Variants in SKAP1 observed in about 807,000 individuals in gnomAD.
SKAP1 encodes the protein src kinase-associated phosphoprotein 1.
A neutral mutation model predicts 58.5 loss-of-function variants in SKAP1; 44 were observed. That is an observed-to-expected ratio of 0.75 (90% CI 0.59 to 0.97). The LOEUF is 0.97. SKAP1 is among the 50% of genes least tolerant of loss of function. SKAP1 has a pLI of 0.00. For missense variants in SKAP1, 390 were observed against 435.2 expected (o/e 0.90, Z 0.92); for synonymous variants, 127 against 149.7 (o/e 0.85, Z 1.11).
intron 11 of SKAP1, among the ~76,000 whole-genome samples, chr17:48,146,753 T>C (rs1355226754): frequency 6.6e-6 from 1 of 151,916 alleles, no homozygotes; most frequent in South Asian, 2.1e-4. Flanking sequence ...CTCAGCTTCC[T>C]GAGTAGTTGA....
intron 3 of SKAP1, among the ~76,000 whole-genome samples, chr17:48,352,914 A>C (rs2066820762): frequency 6.6e-6 from 1 of 152,172 alleles, no homozygotes; most frequent in Non-Finnish European, 1.5e-5. Flanking sequence ...CATGATCATT[A>C]CTCAAAGGCA....
intron 4 of SKAP1, among the ~76,000 whole-genome samples, chr17:48,220,806 T>C (rs1232903548): frequency 7.7e-6 from 1 of 130,456 alleles, no homozygotes. Context: ...TAAGCCCAGA[T>C]TGCGCCACTG....
chr17:48,223,711 A>G (rs2065031091), intron 4 of SKAP1, among the ~76,000 whole-genome samples: 2 of 152,116 alleles, frequency 1.3e-5, no homozygotes, highest in East Asian at 1.9e-4. Flanking sequence ...CAAGTTAACC[A>G]GTTTTTATGA....
chr17:48,245,426 T>A lies in SKAP1; in HGVS notation c.281-55926A>T, dbSNP rs189961344. 9.5e-4 allele frequency among the ~76,000 whole-genome samples: 145 copies of A among 152,320 alleles called. 1 individual carries two copies. Among genetic ancestry groups the A allele is most frequent in the African/African-American group, 2.8e-3 (115 of 41,570 alleles). On this transcript the variant is annotated intron_variant, in intron 4 of 12. Coordinates refer to ENST00000336915, the MANE Select transcript of SKAP1 (RefSeq NM_003726.4). Reference sequence around the variant, plus strand: ...TAGACTTTTGCTCCAACAGGGATTGTTTAAAAGTGCCTTTATTATGCTTTA... The same window carrying A: ...TAGACTTTTGCTCCAACAGGGATTGATTAAAAGTGCCTTTATTATGCTTTA...
intron 4 of SKAP1, among the ~76,000 whole-genome samples, chr17:48,291,743 C>G (rs1567855192): frequency 6.6e-6 from 1 of 152,126 alleles, no homozygotes; most frequent in Non-Finnish European, 1.5e-5. Flanking sequence ...CTCATTTAAC[C>G]TGGGTAATGC....
At chr17:48,317,706 T>A (rs1411759779) in intron 4 of SKAP1, among the ~76,000 whole-genome samples, 1 of 152,222 alleles carries the variant, frequency 6.6e-6, no homozygotes, top group Non-Finnish European at 1.5e-5. Flanking sequence ...CACTTCGAGG[T>A]CTGAAATAAT....
intron 10 of SKAP1, 65 bp from the exon 11 acceptor site, chr17:48,162,634 T>G (rs1440994838): frequency 1.6e-6 from 2 of 1,229,164 alleles, no homozygotes; most frequent in Non-Finnish European, 2.4e-6. Flanking sequence ...CCCATGTTTT[T>G]GCTGCAAATG....
intron 1 of SKAP1, among the ~76,000 whole-genome samples, chr17:48,400,427 T>C (rs1018939898): frequency 6.6e-6 from 1 of 152,002 alleles, no homozygotes; most frequent in African/African-American, 2.4e-5. Context: ...ATAGTGGCAA[T>C]GAACAAACAA....
At chr17:48,176,615 C>T (rs2064293724) in intron 9 of SKAP1, among the ~76,000 whole-genome samples, 2 of 152,156 alleles carry the variant, frequency 1.3e-5, no homozygotes, top group Admixed American at 1.3e-4. Context: ...AGAAATTCCA[C>T]CAGATACCAA....
At chr17:48,284,686 C>G (rs545074116) in intron 4 of SKAP1, among the ~76,000 whole-genome samples, 4 of 152,246 alleles carry the variant, frequency 2.6e-5, no homozygotes, top group Admixed American at 2.6e-4. Flanking sequence ...CTCACCTTAA[C>G]TAGAGAACAT....
chr17:48,237,782 G>A (rs542140233), intron 4 of SKAP1, among the ~76,000 whole-genome samples: 1 of 152,276 alleles, frequency 6.6e-6, no homozygotes, highest in East Asian at 1.9e-4. Context: ...AATGCTAGTT[G>A]TGCAAGAGAG....
At chr17:48,175,512 T>C (rs192280906) in intron 9 of SKAP1, among the ~76,000 whole-genome samples, 19 of 152,362 alleles carry the variant, frequency 1.2e-4, no homozygotes, top group African/African-American at 4.3e-4. Flanking sequence ...CTGTTGTGTA[T>C]TTGGTTATCT....
At chr17:48,241,809 C>G (rs904087502) in intron 4 of SKAP1, among the ~76,000 whole-genome samples, 2 of 152,146 alleles carry the variant, frequency 1.3e-5, no homozygotes, top group Non-Finnish European at 2.9e-5. Context: ...CCAGCAGTAA[C>G]AGATATAATC....
intron 1 of SKAP1, among the ~76,000 whole-genome samples, chr17:48,420,635 T>C (rs980700091): frequency 2.0e-5 from 3 of 152,164 alleles, no homozygotes; most frequent in African/African-American, 4.8e-5. Context: ...ATCATTTGCA[T>C]GACTGTAATG....
At chr17:48,197,457 G>A (rs934122251) in intron 4 of SKAP1, among the ~76,000 whole-genome samples, 1 of 152,120 alleles carries the variant, frequency 6.6e-6, no homozygotes, top group Non-Finnish European at 1.5e-5. Flanking sequence ...GGGAGGCTGA[G>A]GCAGGCAGAT....
rs909630569 is a variant in SKAP1, at chr17:48,394,746, C to T, written c.152+1934G>A. Among the ~76,000 whole-genome samples the T allele has an allele frequency of 4.6e-5, 7 of 152,208 alleles. No individual in the cohort carries two copies. The East Asian group carries it at 5.8e-4, about 13-fold the overall frequency. On this transcript the variant is annotated intron_variant, in intron 2 of 12. Transcript: ENST00000336915. ...CACACAACATAAGTAAATGTGGCAG[C>T]TATAAATGGCACAATAGAGGTGATA... is the stretch of plus-strand genomic sequence containing the variant.
At chr17:48,380,783 C>A (rs968274882) in intron 2 of SKAP1, among the ~76,000 whole-genome samples, 6 of 152,126 alleles carry the variant, frequency 3.9e-5, no homozygotes, top group African/African-American at 1.2e-4. Context: ...ATACATTTTC[C>A]TAATGAAACA....
chr17:48,239,808 C>T (rs1184563976), intron 4 of SKAP1, among the ~76,000 whole-genome samples: 1 of 149,618 alleles, frequency 6.7e-6, no homozygotes, highest in Non-Finnish European at 1.5e-5. Flanking sequence ...CCCCCTCCAC[C>T]CCCACCAACA....
At chr17:48,392,002 T>C (rs957362612) in intron 2 of SKAP1, among the ~76,000 whole-genome samples, 7 of 152,154 alleles carry the variant, frequency 4.6e-5, no homozygotes, top group African/African-American at 1.7e-4. Context: ...TTAAGAAAAG[T>C]AAAACTCTCT....
Sources: gnomAD v4.1 joint callset for allele counts (sites outside exome capture counted in the v4.1 genomes callset) on GRCh38, gnomAD v4.1.1 for gene constraint, MANE v1.5 for transcripts, NCBI Gene and HGNC (gene_info 2026-07-23, HGNC 2026-07-21) for gene names.